The following NAPEPLD variants were observed in gnomAD, a reference collection of about 807,000 sequenced individuals.
The protein encoded by NAPEPLD is N-acyl-phosphatidylethanolamine-hydrolyzing phospholipase D.
Under a neutral mutation model 38.1 loss-of-function variants are expected in NAPEPLD, and 23 were observed. That is an observed-to-expected ratio of 0.60 (90% CI 0.43 to 0.86). NAPEPLD has a LOEUF of 0.86. Among genes scored for constraint, NAPEPLD ranks in the 40% least tolerant of loss-of-function variants. The pLI is 0.00. For synonymous variants in NAPEPLD, 147 were observed against 162.0 expected, an observed-to-expected ratio of 0.91 and a Z score of 0.71; for missense variants, 411 against 476.8, an observed-to-expected ratio of 0.86 and a Z score of 1.28.
At chr7:103,106,467 C>G (rs1044298696) in intron 4 of NAPEPLD, among the ~76,000 whole-genome samples, 2 of 152,114 alleles carry the variant, frequency 1.3e-5, no homozygotes, top group Non-Finnish European at 2.9e-5. Flanking sequence ...GCGGGGCCCA[C>G]CCCCACAAAG....
At chr7:103,126,079 A>C (rs1807733790) in intron 2 of NAPEPLD, among the ~76,000 whole-genome samples, 1 of 152,108 alleles carries the variant, frequency 6.6e-6, no homozygotes, top group African/African-American at 2.4e-5. Flanking sequence ...GCTGAGGGTC[A>C]CTAGAGCCCG....
chr7:103,124,401 T>A (rs1425305024), intron 2 of NAPEPLD, among the ~76,000 whole-genome samples: 1 of 151,370 alleles, frequency 6.6e-6, no homozygotes, highest in Non-Finnish European at 1.5e-5. Flanking sequence ...AAGGTTGCAG[T>A]GAGCCAAGAT....
At chr7:103,120,701 CTTTTTTTTTTTTTTT>C (rs869141133) in intron 2 of NAPEPLD, among the ~76,000 whole-genome samples, 1 of 82,530 alleles carries the variant, frequency 1.2e-5, no homozygotes, top group East Asian at 4.4e-4. Flanking sequence ...TGATATTTTT[CTTTTTTTTTTTTTTT>C]TTTTTTTTTT....
chr7:103,147,786 A>T (rs965500945), intron 1 of NAPEPLD, among the ~76,000 whole-genome samples: 3 of 152,236 alleles, frequency 2.0e-5, no homozygotes, highest in African/African-American at 4.8e-5. Flanking sequence ...GGTATGAGAA[A>T]TACACTAAGT....
chr7:103,138,005 T>C (rs1480807349), intron 1 of NAPEPLD, among the ~76,000 whole-genome samples: 1 of 142,510 alleles, frequency 7.0e-6, no homozygotes, highest in Admixed American at 7.4e-5. Context: ...TGAGACGGAG[T>C]CGCGTTCTGT....
chr7:103,139,589 C>G (rs886473911), intron 1 of NAPEPLD, among the ~76,000 whole-genome samples: 1 of 152,136 alleles, frequency 6.6e-6, no homozygotes. Context: ...AGTTAAAGGG[C>G]GCTGATGGCA....
At chr7:103,105,295 G>A (rs1032296356) in intron 4 of NAPEPLD, among the ~76,000 whole-genome samples, 5 of 152,086 alleles carry the variant, frequency 3.3e-5, no homozygotes, top group Admixed American at 2.6e-4. Context: ...AGAAGACTCC[G>A]AGCATTCTGG....
Position 103,119,985 on chromosome 7 carries a change from A to G in NAPEPLD, c.533T>C (p.Ile178Thr), listed in dbSNP as rs537078637. Residue 178 changes from isoleucine (I) to threonine (T), a missense_variant, in exon 3 of 5, where the codon ATA (isoleucine) becomes ACA (threonine). Transcript: ENST00000465647. Reference protein sequence around the residue: ...SPCTISELPPIDAVLISHNHY... With the variant: ...SPCTISELPPTDAVLISHNHY... ...GTTGTGACTGATAAGGACCGCATCTATTGGAGGGAGTTCACTTATTGTGCA... is the reference window on the plus strand; with the variant it reads ...GTTGTGACTGATAAGGACCGCATCTGTTGGAGGGAGTTCACTTATTGTGCA... 8 of 1,614,214 alleles carry G rather than the reference A, an allele frequency of 5.0e-6. No individual in the cohort carries two copies. The highest frequency in any genetic ancestry group is 2.2e-5 in the East Asian group (1 of 44,896).
At chr7:103,142,842 T>G (rs1023226710) in intron 1 of NAPEPLD, among the ~76,000 whole-genome samples, 1 of 152,178 alleles carries the variant, frequency 6.6e-6, no homozygotes, top group African/African-American at 2.4e-5. Flanking sequence ...AAAGATCTCC[T>G]GCTAGGAGTC....
At chr7:103,122,122 A>C (rs1246955008) in intron 2 of NAPEPLD, among the ~76,000 whole-genome samples, 1 of 147,356 alleles carries the variant, frequency 6.8e-6, no homozygotes, top group Admixed American at 6.8e-5. Flanking sequence ...TTTTTTGTAG[A>C]GACAGGGTGG....
At chr7:103,137,664 G>T (rs770579108) in intron 1 of NAPEPLD, among the ~76,000 whole-genome samples, 24 of 151,902 alleles carry the variant, frequency 1.6e-4, no homozygotes, top group Non-Finnish European at 3.1e-4. Flanking sequence ...TAATTGAAAA[G>T]GTCAGGCCAG....
chr7:103,135,448 A>G (rs1809823788), intron 1 of NAPEPLD, among the ~76,000 whole-genome samples: 1 of 152,196 alleles, frequency 6.6e-6, no homozygotes, highest in Non-Finnish European at 1.5e-5. Flanking sequence ...GGGAGGGCAG[A>G]TACATCCAAG....
chr7:103,137,740 C>A (rs1398008530), intron 1 of NAPEPLD, among the ~76,000 whole-genome samples: 3 of 150,222 alleles, frequency 2.0e-5, no homozygotes, highest in Non-Finnish European at 4.4e-5. Flanking sequence ...TGCTTGAACC[C>A]AGGAGGTAAA....
At chr7:103,115,031 A>C in intron 4 of NAPEPLD, 29 bp downstream of exon 4, 1 of 1,549,096 alleles carries the variant, frequency 6.5e-7, no homozygotes, top group Non-Finnish European at 8.9e-7. Context: ...TCAAACACAC[A>C]AAGTTATTTT....
At chr7:103,129,734 G>T (rs528594699) in intron 1 of NAPEPLD, among the ~76,000 whole-genome samples, 1 of 152,072 alleles carries the variant, frequency 6.6e-6, no homozygotes, top group African/African-American at 2.4e-5. Context: ...CTAGCTATAC[G>T]ACCTTGAGCC....
At chr7:103,131,357 G>C (rs896693380) in intron 1 of NAPEPLD, among the ~76,000 whole-genome samples, 2 of 152,046 alleles carry the variant, frequency 1.3e-5, no homozygotes, top group Non-Finnish European at 2.9e-5. Context: ...ATGTAGCTAG[G>C]ACATAAAAAG....
chr7:103,116,977 A>G (rs1485009767), intron 3 of NAPEPLD, among the ~76,000 whole-genome samples: 1 of 152,258 alleles, frequency 6.6e-6, no homozygotes, highest in Non-Finnish European at 1.5e-5. Flanking sequence ...CAACACTTTC[A>G]GAAGAAAGAC....
intron 1 of NAPEPLD, chr7:103,141,403 G>A (rs965999655): frequency 1.2e-6 from 1 of 841,756 alleles, no homozygotes; most frequent in African/African-American, 1.7e-5. Flanking sequence ...CCTCCTTCTT[G>A]GCCTGGAGGT....
At chr7:103,145,111 A>T (rs549028209) in intron 1 of NAPEPLD, among the ~76,000 whole-genome samples, 1 of 152,340 alleles carries the variant, frequency 6.6e-6, no homozygotes, top group South Asian at 2.1e-4. Context: ...ATGCATAGTC[A>T]TATCTTCAAA....
Sources: allele counts gnomAD v4.1 joint callset (sites outside exome capture counted in the v4.1 genomes callset), GRCh38; gene constraint gnomAD v4.1.1; transcripts MANE v1.5; gene names NCBI Gene and HGNC (gene_info 2026-07-23, HGNC 2026-07-21).